Variants in CSMD1 observed in about 807,000 individuals in gnomAD.
The protein encoded by CSMD1 is CUB and sushi domain-containing protein 1.
A neutral mutation model predicts 417.5 loss-of-function variants in CSMD1; 213 were observed. The observed-to-expected ratio is 0.51, with a 90% confidence interval of 0.46 to 0.57. The LOEUF is 0.57. Ranked by LOEUF, CSMD1 falls within the 20% of genes least tolerant of loss-of-function variation. The pLI, the probability that CSMD1 is intolerant of heterozygous loss-of-function variation, is 0.00. For missense variants in CSMD1, 6,923 were observed against 4,529.7 expected, an observed-to-expected ratio of 1.53 and a Z score of -15.17; for synonymous variants, 2,862 against 1,736.8, an observed-to-expected ratio of 1.65 and a Z score of -16.11.
chr8:4,453,874 T>G (rs766640411), intron 2 of CSMD1, among the ~76,000 whole-genome samples: 2 of 128,204 alleles, frequency 1.6e-5, no homozygotes, highest in African/African-American at 5.9e-5. Flanking sequence ...CACGCTGGAG[T>G]GCACTGGCGC....
intron 50 of CSMD1, among the ~76,000 whole-genome samples, chr8:3,039,198 G>A (rs891974092): frequency 1.4e-5 from 2 of 146,346 alleles, no homozygotes; most frequent in African/African-American, 2.8e-5. Context: ...GCAGAGTGAA[G>A]GGTCCTGAAT....
rs545114741 is a variant in CSMD1, at chr8:3,058,365, C to T, written c.7475-5718G>A. Among the ~76,000 whole-genome samples, 227 of 152,204 alleles carry T rather than the reference C, an allele frequency of 1.5e-3. 1 individual carries two copies. The highest frequency in any genetic ancestry group is 5.2e-3 in the African/African-American group (214 of 41,528). ...GCCCATGAAACCAGAATATTAGACCCGTATTTGTGGGTAGACAGTAAATAT... is the reference window on the plus strand; with the variant it reads ...GCCCATGAAACCAGAATATTAGACCTGTATTTGTGGGTAGACAGTAAATAT... On this transcript the variant is annotated intron_variant, in intron 49 of 69. Coordinates refer to ENST00000635120, the MANE Select transcript of CSMD1 (RefSeq NM_033225.6).
chr8:4,084,666 A>G (rs1397123274), intron 3 of CSMD1, among the ~76,000 whole-genome samples: 1 of 152,146 alleles, frequency 6.6e-6, no homozygotes, highest in Non-Finnish European at 1.5e-5. Flanking sequence ...TAGCAAGACC[A>G]GTAGGGAAAG....
At chr8:3,966,935 G>A (rs1812716129) in intron 5 of CSMD1, among the ~76,000 whole-genome samples, 1 of 152,190 alleles carries the variant, frequency 6.6e-6, no homozygotes, top group Non-Finnish European at 1.5e-5. Context: ...TGGTCTTTAT[G>A]ATCAAGAGAT....
At chr8:4,321,065 A>G (rs1799247030) in intron 3 of CSMD1, among the ~76,000 whole-genome samples, 1 of 152,134 alleles carries the variant, frequency 6.6e-6, no homozygotes, top group Non-Finnish European at 1.5e-5. Flanking sequence ...CAGATCTCTT[A>G]TGAAGTCTTG....
chr8:4,684,332 A>T (rs1806234022), intron 1 of CSMD1, among the ~76,000 whole-genome samples: 2 of 152,210 alleles, frequency 1.3e-5, no homozygotes, highest in African/African-American at 4.8e-5. Context: ...TTGTCCAACA[A>T]CATATAACCT....
At chr8:3,159,229 A>G (rs376866535) in intron 38 of CSMD1, among the ~76,000 whole-genome samples, 1 of 152,242 alleles carries the variant, frequency 6.6e-6, no homozygotes. Context: ...TTTATTACCA[A>G]TCTAGGTAAT....
intron 7 of CSMD1, among the ~76,000 whole-genome samples, chr8:3,707,050 T>C (rs897906743): frequency 6.6e-6 from 1 of 152,010 alleles, no homozygotes; most frequent in Non-Finnish European, 1.5e-5. Flanking sequence ...AGTCAGAGTA[T>C]GGTAGCTCCT....
At chr8:4,373,938 G>C (rs1296132954) in intron 3 of CSMD1, among the ~76,000 whole-genome samples, 1 of 152,198 alleles carries the variant, frequency 6.6e-6, no homozygotes, top group Admixed American at 6.6e-5. Flanking sequence ...ATACCTAGAA[G>C]ACTTTAGTGT....
At chr8:4,072,102 G>A (rs1213767891) in intron 3 of CSMD1, among the ~76,000 whole-genome samples, 1 of 152,152 alleles carries the variant, frequency 6.6e-6, no homozygotes, top group African/African-American at 2.4e-5. Flanking sequence ...ATCAAAAAAT[G>A]GATGATTCGC....
chr8:4,288,822 T>G (rs1797204541), intron 3 of CSMD1, among the ~76,000 whole-genome samples: 1 of 152,196 alleles, frequency 6.6e-6, no homozygotes, highest in Non-Finnish European at 1.5e-5. Context: ...CAAGTCCCAT[T>G]ACGTCAGTAA....
At position 4,091,912 on chromosome 8, in the gene CSMD1, G is replaced by A. The variant is rs558425528; in HGVS notation, c.416-59813C>T. On this transcript the variant is annotated intron_variant, in intron 3 of 69. Coordinates refer to ENST00000635120, the MANE Select transcript of CSMD1 (RefSeq NM_033225.6). ...AACCGTACAGAGTTTTAAATAGTCA[G>A]TGCTCCCAGTTCTCTATTTAAAAAT... Among the ~76,000 whole-genome samples, 62 of 152,156 alleles carry A rather than the reference G, an allele frequency of 4.1e-4. 1 individual carries two copies. Among genetic ancestry groups the A allele is most frequent in the Non-Finnish European group, 7.9e-4 (54 of 68,034 alleles).
At chr8:3,754,938 G>A (rs139485221) in intron 5 of CSMD1, among the ~76,000 whole-genome samples, 2 of 147,362 alleles carry the variant, frequency 1.4e-5, no homozygotes, top group Non-Finnish European at 3.0e-5. Flanking sequence ...ATTTGAAATG[G>A]AATAAAATTA....
At chr8:3,471,043 G>C (rs1020244905) in intron 11 of CSMD1, among the ~76,000 whole-genome samples, 2 of 152,132 alleles carry the variant, frequency 1.3e-5, no homozygotes, top group African/African-American at 2.4e-5. Context: ...AAGCGCAAGA[G>C]GGCAATAGCT....
At chr8:3,477,659 A>T (rs13251124) in intron 11 of CSMD1, among the ~76,000 whole-genome samples, 96,346 of 151,942 alleles carry the variant, frequency 0.63, 31,339 homozygotes, top group Middle Eastern at 0.76. Context: ...GGGGCAGAGG[A>T]AGAAGTCAAC....
At chr8:3,229,694 T>C (rs1467671981) in intron 27 of CSMD1, among the ~76,000 whole-genome samples, 2 of 152,214 alleles carry the variant, frequency 1.3e-5, no homozygotes, top group African/African-American at 4.8e-5. Flanking sequence ...GGCATGTTTC[T>C]ATATTAAAAA....
intron 5 of CSMD1, among the ~76,000 whole-genome samples, chr8:3,858,222 T>C (rs1440882758): frequency 3.3e-5 from 5 of 152,198 alleles, no homozygotes; most frequent in African/African-American, 4.8e-5. Flanking sequence ...TAATTCAAAG[T>C]AAAAGTTATA....
intron 5 of CSMD1, among the ~76,000 whole-genome samples, chr8:3,949,802 A>G (rs933438043): frequency 3.3e-5 from 5 of 152,142 alleles, no homozygotes; most frequent in African/African-American, 1.2e-4. Flanking sequence ...TAACACATGG[A>G]AAGCTGGGGC....
At chr8:4,836,172 A>C (rs1800475175) in intron 1 of CSMD1, among the ~76,000 whole-genome samples, 1 of 152,216 alleles carries the variant, frequency 6.6e-6, no homozygotes. Flanking sequence ...GGGTTATTTA[A>C]ATCGTTAATT....
Sources: allele counts gnomAD v4.1 joint callset (sites outside exome capture counted in the v4.1 genomes callset), GRCh38; gene constraint gnomAD v4.1.1; transcripts MANE v1.5; gene names NCBI Gene and HGNC (gene_info 2026-07-23, HGNC 2026-07-21).